CTTNBP2NL: variants seen among roughly 807,000 people sequenced by gnomAD.
CTTNBP2NL encodes CTTNBP2 N-terminal like.
A neutral mutation model predicts 32.5 loss-of-function variants in CTTNBP2NL; 16 were observed. The observed-to-expected ratio is 0.49, with a 90% confidence interval of 0.33 to 0.75. The LOEUF (loss-of-function observed/expected upper bound fraction) is 0.75, where lower values mean the gene tolerates loss of function less well. CTTNBP2NL is among the 30% of genes least tolerant of loss of function. The probability of loss-of-function intolerance (pLI) is 0.02; values close to 1 mark genes in which losing one functional copy is unlikely to be tolerated. For synonymous variants in CTTNBP2NL, 298 were observed against 289.4 expected (o/e 1.03, Z -0.30); for missense variants, 645 against 756.0 (o/e 0.85, Z 1.72).
chr1:112,406,318 C>T (rs572783789), intron 1 of CTTNBP2NL, among the ~76,000 whole-genome samples: 19 of 152,246 alleles, frequency 1.2e-4, no homozygotes, highest in South Asian at 8.3e-4. Context: ...CTTTGTGAAT[C>T]GTTGTTTAGC....
chr1:112,405,903 C>T (rs552659690), intron 1 of CTTNBP2NL, among the ~76,000 whole-genome samples: 10 of 152,132 alleles, frequency 6.6e-5, no homozygotes, highest in Middle Eastern at 3.4e-3. Context: ...GACATGTATG[C>T]GGCCGGGCGC....
chr1:112,446,369 CAAAAAAG>C (rs952758998), intron 3 of CTTNBP2NL, among the ~76,000 whole-genome samples: 10 of 146,906 alleles, frequency 6.8e-5, no homozygotes, highest in African/African-American at 1.0e-4. Flanking sequence ...CTGTCTCAAA[CAAAAAAG>C]AAAAAAGAAA....
intron 3 of CTTNBP2NL, among the ~76,000 whole-genome samples, chr1:112,420,830 A>T (rs1298759835): frequency 6.6e-6 from 1 of 152,244 alleles, no homozygotes; most frequent in African/African-American, 2.4e-5. Flanking sequence ...AGAAACATAA[A>T]GATAATTACT....
chr1:112,409,871 ATACTTC>A (rs1648801256), intron 1 of CTTNBP2NL, among the ~76,000 whole-genome samples: 1 of 152,178 alleles, frequency 6.6e-6, no homozygotes, highest in Non-Finnish European at 1.5e-5. Context: ...CCACACCAAC[ATACTTC>A]TAGGCAAAAT....
chr1:112,409,575 T>C (rs1476508704), intron 1 of CTTNBP2NL, among the ~76,000 whole-genome samples: 2 of 152,164 alleles, frequency 1.3e-5, no homozygotes, highest in Admixed American at 6.6e-5. Flanking sequence ...ACCCAGATAA[T>C]AGACAGACAA....
Position 112,456,983 on chromosome 1 carries a change from C to T in CTTNBP2NL, c.1491C>T (p.Ala497=), listed in dbSNP as rs1650387844. 1.2e-6 allele frequency: 2 copies of T among 1,614,004 alleles called. No homozygotes were observed. The highest frequency in any genetic ancestry group is 2.2e-5 in the East Asian group (1 of 44,882). ...LSPTLIDNSA[A]KQLARNTVTQ... The stretch of plus-strand genomic sequence containing the variant: ...CCACCCTCATAGACAACTCTGCCGC[C>T]AAGCAGCTGGCCCGAAACACAGTCA... Residue 497 remains alanine, a synonymous_variant, in exon 6 of 6, where the codon GCC becomes GCT. Transcript: ENST00000271277.
chr1:112,425,971 G>A (rs1351118462), intron 3 of CTTNBP2NL, among the ~76,000 whole-genome samples: 1 of 112,556 alleles, frequency 8.9e-6, no homozygotes, highest in African/African-American at 2.7e-5. Context: ...GTGTGTGTGT[G>A]TGTGTGTGTG....
At chr1:112,416,379 A>C in intron 3 of CTTNBP2NL, 115 bp downstream of exon 3, 4 of 609,610 alleles carry the variant, frequency 6.6e-6, no homozygotes, top group Non-Finnish European at 1.1e-5. Context: ...AATGGAGGAC[A>C]TACTGATACT....
At chr1:112,409,410 T>G (rs922754324) in intron 1 of CTTNBP2NL, among the ~76,000 whole-genome samples, 1 of 152,200 alleles carries the variant, frequency 6.6e-6, no homozygotes, top group African/African-American at 2.4e-5. Flanking sequence ...TTAGTCCAGT[T>G]GATTTATTTA....
intron 3 of CTTNBP2NL, among the ~76,000 whole-genome samples, chr1:112,423,543 C>A (rs186330364): frequency 1.3e-4 from 20 of 151,150 alleles, no homozygotes; most frequent in Non-Finnish European, 2.7e-4. Flanking sequence ...TAATCTAGAC[C>A]AGGAAAAAAA....
intron 3 of CTTNBP2NL, among the ~76,000 whole-genome samples, chr1:112,438,697 G>T (rs1649810438): frequency 6.6e-6 from 1 of 152,172 alleles, no homozygotes; most frequent in South Asian, 2.1e-4. Flanking sequence ...CTGTGGGTTT[G>T]TTGTATACTT....
intron 3 of CTTNBP2NL, among the ~76,000 whole-genome samples, chr1:112,426,687 A>C (rs748454709): frequency 7.1e-6 from 1 of 140,024 alleles, no homozygotes; most frequent in Non-Finnish European, 1.5e-5. Context: ...GCTCACTGCT[A>C]CCTCTGCCTC....
intron 1 of CTTNBP2NL, among the ~76,000 whole-genome samples, chr1:112,400,912 G>A (rs1648477716): frequency 6.8e-6 from 1 of 146,636 alleles, no homozygotes; most frequent in Non-Finnish European, 1.5e-5. Flanking sequence ...GTTGTAGTGA[G>A]CTAAGATTGT....
intron 1 of CTTNBP2NL, among the ~76,000 whole-genome samples, chr1:112,399,300 C>T (rs962854154): frequency 1.3e-5 from 1 of 78,078 alleles, no homozygotes; most frequent in Non-Finnish European, 2.3e-5. Flanking sequence ...GCCTGGGAAA[C>T]AAAGCGAGAC....
chr1:112,421,333 C>T (rs1335480975), intron 3 of CTTNBP2NL, among the ~76,000 whole-genome samples: 7 of 55,724 alleles, frequency 1.3e-4, no homozygotes, highest in South Asian at 6.3e-4. Flanking sequence ...TTTTTTGAGA[C>T]GGAGTTGCCC....
rs995327924 is a variant in CTTNBP2NL, at chr1:112,457,685, C to T, written c.*273C>T. 1.8e-5 allele frequency: 6 copies of T among 331,228 alleles called. No individual in the cohort carries two copies. Among genetic ancestry groups the T allele is most frequent in the African/African-American group, 1.1e-4 (5 of 47,198 alleles). The allele number at this position is 331,228 out of a possible 1,614,324, so 20.5% of individuals were successfully genotyped here. A position where few individuals can be genotyped will look rare whatever the true frequency, so the allele number is the denominator to read the frequency against. ...TCATGTTGTGATGAAGAAAGCGAATCACCAGGTGGTGATTTGCTATCTATT... is the reference window on the plus strand; with the variant it reads ...TCATGTTGTGATGAAGAAAGCGAATTACCAGGTGGTGATTTGCTATCTATT... On this transcript the variant is annotated 3_prime_UTR_variant, in exon 6 of 6. Coordinates refer to ENST00000271277, the MANE Select transcript of CTTNBP2NL (RefSeq NM_018704.3).
intron 3 of CTTNBP2NL, among the ~76,000 whole-genome samples, chr1:112,442,517 T>C (rs970398488): frequency 6.6e-5 from 10 of 152,202 alleles, no homozygotes; most frequent in Admixed American, 3.3e-4. Context: ...AAAGTTATTC[T>C]TGTGGACTCA....
At chr1:112,393,259 A>G (rs2999472), upstream of CTTNBP2NL, among the ~76,000 whole-genome samples, 75,115 of 152,074 alleles carry the variant, frequency 0.49, 22,512 homozygotes, top group African/African-American at 0.85. Flanking sequence ...ATGACAGAAT[A>G]AGAACTAGAC....
At chr1:112,393,659 C>G (rs1254605792), upstream of CTTNBP2NL, among the ~76,000 whole-genome samples, 3 of 152,192 alleles carry the variant, frequency 2.0e-5, no homozygotes, top group African/African-American at 7.2e-5. Flanking sequence ...CTGTTCCCTA[C>G]TTCTAGGGGT....
Sources: gnomAD v4.1 joint callset for allele counts (sites outside exome capture counted in the v4.1 genomes callset) on GRCh38, gnomAD v4.1.1 for gene constraint, MANE v1.5 for transcripts, NCBI Gene and HGNC (gene_info 2026-07-23, HGNC 2026-07-21) for gene names.